The following BCAS3 variants were observed in gnomAD, a reference collection of about 807,000 sequenced individuals.
The protein encoded by BCAS3 is BCAS4/BCAS3 fusion.
BCAS3 carries 53 observed loss-of-function variants against 116.1 expected under a neutral mutation model. The observed-to-expected ratio is 0.46, with a 90% CI of 0.37 to 0.57. The LOEUF (loss-of-function observed/expected upper bound fraction) is 0.57. BCAS3 is among the 20% of genes least tolerant of loss of function. The pLI is 0.00. For synonymous variants in BCAS3, 391 were observed against 408.2 expected, an observed-to-expected ratio of 0.96 and a Z score of 0.51; for missense variants, 917 against 1,165.4, an observed-to-expected ratio of 0.79 and a Z score of 3.10.
Position 61,118,884 on chromosome 17 carries a change from T to G in BCAS3, c.2425+34320T>G, listed in dbSNP as rs1435865060. Among the ~76,000 whole-genome samples the G allele has an allele frequency of 2.0e-5, 3 of 152,142 alleles. No individual in the cohort carries two copies. Among genetic ancestry groups the G allele is most frequent in the Non-Finnish European group, 2.9e-5 (2 of 68,034 alleles). On this transcript the variant is annotated intron_variant, in intron 22 of 23. Coordinates refer to ENST00000407086, the MANE Select transcript of BCAS3 (RefSeq NM_017679.5). This position sits in a 1 kb window ranked among gnomAD's most constrained non-coding sequence, Gnocchi z 5.0. ...TTTTTGCCTAATCTGGTTTTTTTTT[T>G]GTTTCTTATTGCATACTAACACTAC...
At chr17:60,998,957 T>G (rs1731326302) in intron 15 of BCAS3, among the ~76,000 whole-genome samples, 1 of 152,200 alleles carries the variant, frequency 6.6e-6, no homozygotes. Flanking sequence ...GTCTTACATT[T>G]AAGTCTCTAA....
At chr17:60,813,207 C>G (rs988363071) in intron 7 of BCAS3, among the ~76,000 whole-genome samples, 1 of 151,916 alleles carries the variant, frequency 6.6e-6, no homozygotes, top group Non-Finnish European at 1.5e-5. Context: ...CAGGCATATT[C>G]CGTCTATAGA....
At chr17:61,187,630 A>G (rs1336584532) in intron 22 of BCAS3, among the ~76,000 whole-genome samples, 3 of 152,204 alleles carry the variant, frequency 2.0e-5, no homozygotes, top group African/African-American at 7.2e-5. Flanking sequence ...GACTTTGCTC[A>G]TTGGCAGTAT....
chr17:60,904,105 G>A (rs2058064230), intron 11 of BCAS3, among the ~76,000 whole-genome samples: 1 of 152,124 alleles, frequency 6.6e-6, no homozygotes, highest in Non-Finnish European at 1.5e-5. Flanking sequence ...GACTTAAGAT[G>A]TTTTAAAAAT....
intron 10 of BCAS3, among the ~76,000 whole-genome samples, chr17:60,902,390 A>G (rs890921512): frequency 2.0e-5 from 3 of 152,188 alleles, no homozygotes; most frequent in African/African-American, 7.2e-5. Context: ...TTCTTCTTGT[A>G]ATGAAAACCG....
rs1033103085 is a variant in BCAS3, at chr17:61,391,698, G to T, written c.2594-279G>T. The T allele has an allele frequency of 4.5e-6, 2 of 443,112 alleles. No individual in the cohort carries two copies. Among genetic ancestry groups the T allele is most frequent in the Non-Finnish European group, 8.2e-6 (2 of 243,228 alleles). 27.4% of individuals were successfully genotyped at this position (443,112 alleles called of 1,614,324 possible). A position where few individuals can be genotyped will look rare whatever the true frequency, so the allele number is the denominator to read the frequency against. ...AAGAGCTGTGTAGTCCACACACATC[G>T]TCAGGGTGGCCGTGCTTCGGGCCTA... is the stretch of plus-strand genomic sequence containing the variant. On this transcript the variant is annotated intron_variant, in intron 23 of 23. Transcript: ENST00000407086. This position sits in a 1 kb window ranked among gnomAD's most constrained non-coding sequence, Gnocchi z 7.7.
At chr17:61,371,809 C>G (rs2059062130) in intron 23 of BCAS3, among the ~76,000 whole-genome samples, 1 of 152,220 alleles carries the variant, frequency 6.6e-6, no homozygotes. Context: ...CCATGCCCAG[C>G]CCTGCTCAGC....
chr17:61,316,938 T>C lies in BCAS3; in HGVS notation c.2426-51389T>C, dbSNP rs930721268. Among the ~76,000 whole-genome samples, 14 of 152,238 alleles carry C rather than the reference T, an allele frequency of 9.2e-5. No homozygotes were observed. Among genetic ancestry groups the C allele is most frequent in the Admixed American group, 2.0e-4 (3 of 15,280 alleles). On this transcript the variant is annotated intron_variant, in intron 22 of 23. Coordinates refer to ENST00000407086, the MANE Select transcript of BCAS3 (RefSeq NM_017679.5). This position sits in a 1 kb window ranked among gnomAD's most constrained non-coding sequence, Gnocchi z 5.8. Reference sequence around the variant, plus strand: ...TAACTCCAGCCATTGCCAGCCCTTCTGTAAAATGGCTACTATATGATCCAG... The same window carrying C: ...TAACTCCAGCCATTGCCAGCCCTTCCGTAAAATGGCTACTATATGATCCAG...
intron 22 of BCAS3, among the ~76,000 whole-genome samples, chr17:61,277,793 A>G (rs1444975167): frequency 1.3e-5 from 2 of 152,190 alleles, no homozygotes; most frequent in African/African-American, 4.8e-5. Context: ...CCACAAGCAG[A>G]TACTACTTGG....
chr17:61,037,221 T>A lies in BCAS3; in HGVS notation c.1763-668T>A, dbSNP rs1045374434. 5.3e-5 allele frequency among the ~76,000 whole-genome samples: 8 copies of A among 152,380 alleles called. No individual in the cohort carries two copies. The highest frequency in any genetic ancestry group is 1.9e-4 in the African/African-American group (8 of 41,594). ...TGGTACATGCAGGGTAACTAAATCCTAGTCCATACATTATTCCTTTTCAGT... is the reference window on the plus strand; with the variant it reads ...TGGTACATGCAGGGTAACTAAATCCAAGTCCATACATTATTCCTTTTCAGT... On this transcript the variant is annotated intron_variant, in intron 17 of 23. Coordinates refer to ENST00000407086, the MANE Select transcript of BCAS3 (RefSeq NM_017679.5). This position sits in a 1 kb window ranked among gnomAD's most constrained non-coding sequence, Gnocchi z 4.7.
intron 22 of BCAS3, among the ~76,000 whole-genome samples, chr17:61,159,901 G>T (rs2078067030): frequency 6.6e-6 from 1 of 151,932 alleles, no homozygotes. Flanking sequence ...CTATGCAAAA[G>T]ATTAGTTTCT....
At chr17:61,272,634 CTCAAA>C (rs2050384363) in intron 22 of BCAS3, among the ~76,000 whole-genome samples, 1 of 17,714 alleles carries the variant, frequency 5.6e-5, no homozygotes, top group African/African-American at 1.9e-4. Context: ...GAAACCCTGT[CTCAAA>C]AAAAAAAAAA....
rs1282154671 is a variant in BCAS3 at position 60,962,445 on chromosome 17, AT to A, written c.1221+15101del. Among the ~76,000 whole-genome samples the A allele has an allele frequency of 1.3e-5, 2 of 150,888 alleles. No homozygotes were observed. The highest frequency in any genetic ancestry group is 6.6e-5 in the Admixed American group (1 of 15,130). On this transcript the variant is annotated intron_variant, in intron 14 of 23. Coordinates refer to ENST00000407086, the MANE Select transcript of BCAS3 (RefSeq NM_017679.5). This position sits in a 1 kb window ranked among gnomAD's most constrained non-coding sequence, Gnocchi z 4.4. ...TCTCTGATGACTAGTGATGTTGAGC[AT>A]TTTTTTTCATATACCTATTGGCCAT...
intron 22 of BCAS3, among the ~76,000 whole-genome samples, chr17:61,295,064 G>A (rs946771512): frequency 1.3e-5 from 2 of 152,158 alleles, no homozygotes; most frequent in Admixed American, 1.3e-4. Flanking sequence ...GCTGAGAATC[G>A]CACCTTCTAA....
At chr17:60,918,866 G>A (rs940748417) in intron 12 of BCAS3, among the ~76,000 whole-genome samples, 3 of 151,784 alleles carry the variant, frequency 2.0e-5, no homozygotes, top group African/African-American at 7.3e-5. Context: ...CTAATTTTGT[G>A]TATTTTTTAG....
At chr17:61,001,461 C>T (rs1322218751) in intron 15 of BCAS3, among the ~76,000 whole-genome samples, 1 of 152,136 alleles carries the variant, frequency 6.6e-6, no homozygotes, top group African/African-American at 2.4e-5. Context: ...GTTTCACCTA[C>T]TTAAGAGAAT....
chr17:61,013,493 A>C lies in BCAS3; in HGVS notation c.1487-2258A>C, dbSNP rs80081946. 0.051 allele frequency among the ~76,000 whole-genome samples: 7,785 copies of C among 152,116 alleles called. 718 individuals carry two copies. Among genetic ancestry groups the C allele is most frequent in the African/African-American group, 0.18 (7,351 of 41,494 alleles). On this transcript the variant is annotated intron_variant, in intron 15 of 23. Transcript: ENST00000407086. The surrounding 1 kb of genome is among the most constrained non-coding windows in gnomAD (Gnocchi z 4.4). Reference sequence around the variant, plus strand: ...AATTACTTCGAATGGCTTAACTATGAAGCAGTTTTTCTCATTTCTTCCACA... The same window carrying C: ...AATTACTTCGAATGGCTTAACTATGCAGCAGTTTTTCTCATTTCTTCCACA...
At chr17:60,878,627 C>T (rs1335041372) in intron 9 of BCAS3, among the ~76,000 whole-genome samples, 1 of 152,096 alleles carries the variant, frequency 6.6e-6, no homozygotes, top group Admixed American at 6.5e-5. Flanking sequence ...ACCACAGGTC[C>T]CCCTTACCTG....
intron 11 of BCAS3, among the ~76,000 whole-genome samples, chr17:60,908,699 A>T (rs1386179895): frequency 6.6e-6 from 1 of 152,132 alleles, no homozygotes; most frequent in African/African-American, 2.4e-5. Context: ...TAATCGCGGG[A>T]GTTTGAGTTT....
Sources: gnomAD v4.1 joint callset for allele counts (sites outside exome capture counted in the v4.1 genomes callset) on GRCh38, gnomAD v4.1.1 for gene constraint, Gnocchi (gnomAD v3.1) non-coding constraint, MANE v1.5 for transcripts, NCBI Gene and HGNC (gene_info 2026-07-23, HGNC 2026-07-21) for gene names.